The following ELMO1 variants were observed in gnomAD, a reference collection of about 807,000 sequenced individuals.
The protein encoded by ELMO1 is engulfment and cell motility 1.
In ELMO1, 26 loss-of-function variants were observed where a neutral mutation model predicts 98.9. That is an observed-to-expected ratio of 0.26 (90% CI 0.19 to 0.36). ELMO1 has a LOEUF of 0.36. Among genes scored for constraint, ELMO1 ranks in the 10% least tolerant of loss-of-function variants. ELMO1 has a pLI of 1.00. For synonymous variants in ELMO1, 346 were observed against 346.0 expected (o/e 1.00, Z 0.00); for missense variants, 627 against 935.2 (o/e 0.67, Z 4.30).
rs537388417 is a variant in ELMO1 at position 37,092,366 on chromosome 7, C to CTTTTTTTTTTTTTTTTTTTTTTTTT, written c.1300+4228_1300+4252dup. Among the ~76,000 whole-genome samples, 8 of 68,916 alleles carry CTTTTTTTTTTTTTTTTTTTTTTTTT rather than the reference C, an allele frequency of 1.2e-4. 1 individual carries two copies. The highest frequency in any genetic ancestry group is 3.5e-4 in the Admixed American group (2 of 5,656). 45.2% of individuals were successfully genotyped at this position (68,916 alleles called of 152,430 possible). On this transcript the variant is annotated intron_variant, in intron 15 of 21. Transcript: ENST00000310758. Reference sequence around the variant, plus strand: ...ACTTGCAAAAAAAATTACCCATATTCTTTTTTTTTTTTTTTTTTTTTTTTT... The same window carrying CTTTTTTTTTTTTTTTTTTTTTTTTT: ...ACTTGCAAAAAAAATTACCCATATTCTTTTTTTTTTTTTTTTTTTTTTTTTTTTTTTTTTTTTTTTTTTTTTTTTT...
chr7:37,230,691 A>G (rs1241887310), intron 8 of ELMO1, among the ~76,000 whole-genome samples: 3 of 152,256 alleles, frequency 2.0e-5, no homozygotes, highest in Non-Finnish European at 2.9e-5. Flanking sequence ...AGGCTCTCAT[A>G]ACAGACAAGC....
chr7:37,291,847 G>A (rs1342210575), intron 4 of ELMO1, among the ~76,000 whole-genome samples: 1 of 151,098 alleles, frequency 6.6e-6, no homozygotes, highest in African/African-American at 2.4e-5. Context: ...CCCGGGAAGT[G>A]GAGGTTGCAG....
At chr7:37,388,998 C>T (rs1269453664) in intron 1 of ELMO1, among the ~76,000 whole-genome samples, 1 of 152,194 alleles carries the variant, frequency 6.6e-6, no homozygotes, top group East Asian at 1.9e-4. Context: ...TCAGACAATT[C>T]CCTGAACATG....
chr7:37,391,639 G>A (rs1245547130), intron 1 of ELMO1, among the ~76,000 whole-genome samples: 1 of 152,148 alleles, frequency 6.6e-6, no homozygotes, highest in Non-Finnish European at 1.5e-5. Context: ...CTTCATGGTG[G>A]GTCTCTAGCC....
intron 15 of ELMO1, among the ~76,000 whole-genome samples, chr7:37,045,386 A>G (rs1795742608): frequency 6.6e-6 from 1 of 152,198 alleles, no homozygotes; most frequent in Non-Finnish European, 1.5e-5. Flanking sequence ...CTTTCACTAA[A>G]AAACCTTTTA....
chr7:37,157,728 C>A (rs1373272535), intron 13 of ELMO1, among the ~76,000 whole-genome samples: 1 of 152,020 alleles, frequency 6.6e-6, no homozygotes, highest in African/African-American at 2.4e-5. Flanking sequence ...GGCCATACTG[C>A]CCAAGGTAAT....
At chr7:37,088,896 G>A (rs1783921340) in intron 15 of ELMO1, among the ~76,000 whole-genome samples, 1 of 152,088 alleles carries the variant, frequency 6.6e-6, no homozygotes, top group Admixed American at 6.6e-5. Context: ...TTAAACTTAA[G>A]GTTGAAATAG....
At chr7:36,941,643 T>C (rs896136605) in intron 16 of ELMO1, among the ~76,000 whole-genome samples, 1 of 152,232 alleles carries the variant, frequency 6.6e-6, no homozygotes, top group African/African-American at 2.4e-5. Flanking sequence ...GCATTTGACA[T>C]GGCATTGCTA....
At chr7:36,943,297 G>C (rs1442932392) in intron 16 of ELMO1, among the ~76,000 whole-genome samples, 3 of 152,158 alleles carry the variant, frequency 2.0e-5, no homozygotes, top group African/African-American at 7.2e-5. Flanking sequence ...TTTCTTTTAT[G>C]CGTAAAAAAT....
intron 2 of ELMO1, among the ~76,000 whole-genome samples, chr7:37,334,648 T>C (rs2131217647): frequency 6.6e-6 from 1 of 152,324 alleles, no homozygotes; most frequent in Admixed American, 6.5e-5. Flanking sequence ...GCCTGCCACA[T>C]AGTGTGTGGT....
intron 16 of ELMO1, among the ~76,000 whole-genome samples, chr7:36,983,796 T>A (rs1252397405): frequency 6.6e-6 from 1 of 152,168 alleles, no homozygotes; most frequent in Non-Finnish European, 1.5e-5. Context: ...TTCTTGGCTA[T>A]TCCCCCAGGA....
intron 13 of ELMO1, among the ~76,000 whole-genome samples, chr7:37,136,090 ACAG>A (rs1471793407): frequency 6.6e-6 from 1 of 152,190 alleles, no homozygotes; most frequent in Admixed American, 6.5e-5. Context: ...CTGGAAAGTA[ACAG>A]CAGTAGAATT....
chr7:37,447,714 C>CCACA (rs3054415), intron 1 of ELMO1, among the ~76,000 whole-genome samples: 4,296 of 132,098 alleles, frequency 0.033, 132 homozygotes, highest in African/African-American at 0.061. Flanking sequence ...CGCGCACACA[C>CCACA]CACACACACA....
chr7:37,123,997 A>G (rs954669402), intron 14 of ELMO1, among the ~76,000 whole-genome samples: 2 of 152,232 alleles, frequency 1.3e-5, no homozygotes, highest in Non-Finnish European at 2.9e-5. Flanking sequence ...GCAAATCCAT[A>G]AACATAATCC....
At chr7:36,892,032 C>A (rs573131496) in intron 17 of ELMO1, among the ~76,000 whole-genome samples, 9 of 152,324 alleles carry the variant, frequency 5.9e-5, no homozygotes, top group African/African-American at 2.2e-4. Context: ...AACAATTAGT[C>A]AAGAGCTAAG....
chr7:37,042,211 G>GA (rs35969834), intron 15 of ELMO1, among the ~76,000 whole-genome samples: 4,394 of 93,358 alleles, frequency 0.047, 94 homozygotes, highest in Middle Eastern at 0.098. Context: ...TCTGACTTTT[G>GA]AAAAAAAAAA....
At chr7:37,292,812 G>A (rs1221350358) in intron 4 of ELMO1, among the ~76,000 whole-genome samples, 3 of 110,614 alleles carry the variant, frequency 2.7e-5, no homozygotes, top group Admixed American at 8.2e-5. Flanking sequence ...CCCCCGCCCG[G>A]CCAGCCGCCC....
At chr7:37,034,546 C>T (rs1795071362) in intron 15 of ELMO1, among the ~76,000 whole-genome samples, 1 of 152,182 alleles carries the variant, frequency 6.6e-6, no homozygotes, top group Admixed American at 6.5e-5. Context: ...TAATATCCTA[C>T]TGTTGGCTAG....
At position 37,325,813 on chromosome 7, in the gene ELMO1, T is replaced by C. The variant is rs139034251; in HGVS notation, c.79-9853A>G. 6.9e-3 allele frequency among the ~76,000 whole-genome samples: 1,045 copies of C among 152,338 alleles called. 14 individuals are homozygous for C. The highest frequency in any genetic ancestry group is 0.024 in the African/African-American group (998 of 41,564). On this transcript the variant is annotated intron_variant, in intron 2 of 21. Transcript: ENST00000310758. Reference sequence around the variant, plus strand: ...TAGCTTTCAAATGTCAGGACACCACTGAGAGAGGATAGCATGTTGACTACA... The same window carrying C: ...TAGCTTTCAAATGTCAGGACACCACCGAGAGAGGATAGCATGTTGACTACA...
Sources: allele counts gnomAD v4.1 joint callset (sites outside exome capture counted in the v4.1 genomes callset), GRCh38; gene constraint gnomAD v4.1.1; transcripts MANE v1.5; gene names NCBI Gene and HGNC (gene_info 2026-07-23, HGNC 2026-07-21).